The following LRRTM4 variants were observed in gnomAD, a reference collection of about 807,000 sequenced individuals.
The protein encoded by LRRTM4 is leucine rich repeat transmembrane neuronal 4, also known as leucine-rich repeat transmembrane neuronal protein 4.
A neutral mutation model predicts 47.6 loss-of-function variants in LRRTM4; 25 were observed. That is an observed-to-expected ratio of 0.53 (90% CI 0.38 to 0.73). The LOEUF (loss-of-function observed/expected upper bound fraction) is 0.73, where lower values mean the gene tolerates loss of function less well. Among genes scored for constraint, LRRTM4 ranks in the 30% least tolerant of loss-of-function variants. The pLI is 0.00. For synonymous variants in LRRTM4, 311 were observed against 269.5 expected (o/e 1.15, Z -1.51); for missense variants, 638 against 713.4 (o/e 0.89, Z 1.20).
chr2:76,844,319 T>A (rs1234377785), intron 3 of LRRTM4, among the ~76,000 whole-genome samples: 1 of 152,072 alleles, frequency 6.6e-6, no homozygotes, highest in Admixed American at 6.6e-5. Context: ...GTATTTTTGG[T>A]AGAGACGAGG....
At chr2:77,181,741 A>C (rs776772521) in intron 3 of LRRTM4, among the ~76,000 whole-genome samples, 15 of 151,888 alleles carry the variant, frequency 9.9e-5, no homozygotes, top group Non-Finnish European at 2.1e-4. Flanking sequence ...ATGATGATGC[A>C]AAAAAAAGCA....
At chr2:76,906,220 C>A (rs1205804843) in intron 3 of LRRTM4, among the ~76,000 whole-genome samples, 2 of 151,816 alleles carry the variant, frequency 1.3e-5, no homozygotes, top group Non-Finnish European at 2.9e-5. Context: ...GAATTTTCAA[C>A]CCAGAATTTC....
chr2:76,793,941 A>G (rs1193359774), intron 3 of LRRTM4, among the ~76,000 whole-genome samples: 2 of 152,196 alleles, frequency 1.3e-5, no homozygotes, highest in Non-Finnish European at 2.9e-5. Flanking sequence ...AAAGATTTCT[A>G]AGACTTCAAA....
chr2:77,515,576 T>A (rs551460905), intron 3 of LRRTM4, among the ~76,000 whole-genome samples: 3 of 151,926 alleles, frequency 2.0e-5, no homozygotes, highest in African/African-American at 7.2e-5. Flanking sequence ...TATGGCTTTA[T>A]TGGGTAGAGT....
At chr2:76,918,061 T>G (rs976161357) in intron 3 of LRRTM4, among the ~76,000 whole-genome samples, 2 of 152,156 alleles carry the variant, frequency 1.3e-5, no homozygotes, top group Non-Finnish European at 2.9e-5. Flanking sequence ...ATTTGATATT[T>G]TAAGGTAGTA....
intron 3 of LRRTM4, among the ~76,000 whole-genome samples, chr2:77,083,765 A>G (rs1680607443): frequency 7.8e-6 from 1 of 128,564 alleles, no homozygotes; most frequent in African/African-American, 2.8e-5. Context: ...AAAACTTCTC[A>G]ATTTTTAACT....
At chr2:77,082,713 T>G (rs1572938995) in intron 3 of LRRTM4, among the ~76,000 whole-genome samples, 1 of 152,256 alleles carries the variant, frequency 6.6e-6, no homozygotes, top group African/African-American at 2.4e-5. Context: ...ATATCCTATT[T>G]GTTCTGGAAT....
At chr2:76,854,849 G>C (rs1203201830) in intron 3 of LRRTM4, among the ~76,000 whole-genome samples, 1 of 150,672 alleles carries the variant, frequency 6.6e-6, no homozygotes, top group Non-Finnish European at 1.5e-5. Context: ...TTCTATAAGG[G>C]CGAGAAAGAC....
intron 3 of LRRTM4, among the ~76,000 whole-genome samples, chr2:77,461,306 A>G (rs1183797271): frequency 6.6e-6 from 1 of 152,122 alleles, no homozygotes; most frequent in Non-Finnish European, 1.5e-5. Context: ...TGGTTATTGT[A>G]CATACCCTCA....
intron 3 of LRRTM4, among the ~76,000 whole-genome samples, chr2:77,469,928 T>C (rs552988183): frequency 6.6e-6 from 1 of 152,280 alleles, no homozygotes; most frequent in African/African-American, 2.4e-5. Context: ...AATATGGTAG[T>C]TAATTTAAAC....
At chr2:77,386,556 G>C (rs144037332) in intron 3 of LRRTM4, among the ~76,000 whole-genome samples, 2 of 152,294 alleles carry the variant, frequency 1.3e-5, no homozygotes, top group African/African-American at 4.8e-5. Context: ...ATTGTGAACA[G>C]TGCTGCAATA....
chr2:77,240,809 T>G (rs539334216), intron 3 of LRRTM4, among the ~76,000 whole-genome samples: 1 of 151,956 alleles, frequency 6.6e-6, no homozygotes, highest in Non-Finnish European at 1.5e-5. Context: ...CCATTTAACA[T>G]AGCAATAAAA....
chr2:77,300,227 G>A (rs1015670916), intron 3 of LRRTM4, among the ~76,000 whole-genome samples: 13 of 151,992 alleles, frequency 8.6e-5, no homozygotes, highest in African/African-American at 2.7e-4. Flanking sequence ...AGGAAACATA[G>A]GTTATTTTAT....
intron 3 of LRRTM4, among the ~76,000 whole-genome samples, chr2:77,164,048 C>T (rs958893098): frequency 1.3e-5 from 2 of 152,138 alleles, no homozygotes; most frequent in African/African-American, 4.8e-5. Context: ...CATCAGTGTG[C>T]TGTATTCAGG....
chr2:77,438,049 G>A (rs2103920963), intron 3 of LRRTM4, among the ~76,000 whole-genome samples: 1 of 152,206 alleles, frequency 6.6e-6, no homozygotes. Context: ...GATTAAGGAT[G>A]CTATGTTACA....
chr2:76,872,357 A>T (rs78092791), intron 3 of LRRTM4, among the ~76,000 whole-genome samples: 5,986 of 152,086 alleles, frequency 0.039, 279 homozygotes, highest in East Asian at 0.13. Context: ...TTACAATTGC[A>T]TTGCAAAATA....
intron 3 of LRRTM4, among the ~76,000 whole-genome samples, chr2:76,860,339 G>A (rs565252110): frequency 7.9e-5 from 12 of 152,104 alleles, no homozygotes; most frequent in Non-Finnish European, 1.3e-4. Context: ...TTTGATATTC[G>A]ATGATGTCTA....
At position 77,030,403 on chromosome 2, in the gene LRRTM4, A is replaced by C. The variant is rs1678612640; in HGVS notation, c.1552-281487T>G. On this transcript the variant is annotated intron_variant, in intron 3 of 3. Coordinates refer to ENST00000409884, the MANE Select transcript of LRRTM4 (RefSeq NM_001134745.3). ...AGCTGAGATCATGCCACTGCACTCCAGCCTGGGTTACAGAGCGAGGCTCCA... is the reference window on the plus strand; with the variant it reads ...AGCTGAGATCATGCCACTGCACTCCCGCCTGGGTTACAGAGCGAGGCTCCA... Among the ~76,000 whole-genome samples, 5 of 152,330 alleles carry C rather than the reference A, an allele frequency of 3.3e-5. No individual in the cohort carries two copies. In the South Asian group the frequency reaches 1.0e-3, roughly 32 times the overall value.
intron 3 of LRRTM4, among the ~76,000 whole-genome samples, chr2:76,910,005 C>T (rs550992601): frequency 6.6e-6 from 1 of 152,178 alleles, no homozygotes; most frequent in East Asian, 1.9e-4. Context: ...CGTATATACC[C>T]AAAGGATTGT....
Sources: allele counts gnomAD v4.1 joint callset (sites outside exome capture counted in the v4.1 genomes callset), GRCh38; gene constraint gnomAD v4.1.1; transcripts MANE v1.5; gene names NCBI Gene and HGNC (gene_info 2026-07-23, HGNC 2026-07-21).